PMVK: variants seen among roughly 807,000 people sequenced by gnomAD.
The protein encoded by PMVK is phosphomevalonate kinase.
Under a neutral mutation model 19.0 loss-of-function variants are expected in PMVK, and 10 were observed. The observed-to-expected ratio is 0.53, with a 90% CI of 0.32 to 0.89. The LOEUF (loss-of-function observed/expected upper bound fraction) is 0.89. Among genes scored for constraint, PMVK ranks in the 40% least tolerant of loss-of-function variants. The pLI is 0.03. For synonymous variants in PMVK, 108 were observed against 101.6 expected (o/e 1.06, Z -0.38); for missense variants, 222 against 251.1 (o/e 0.88, Z 0.78).
intron 1 of PMVK, among the ~76,000 whole-genome samples, chr1:154,935,627 T>C (rs1324947713): frequency 6.6e-6 from 1 of 152,224 alleles, no homozygotes; most frequent in Non-Finnish European, 1.5e-5. Flanking sequence ...AAAGCTGAAT[T>C]TGAATCCTGG....
intron 1 of PMVK, among the ~76,000 whole-genome samples, chr1:154,932,702 C>T (rs74116253): frequency 0.025 from 3,832 of 152,310 alleles, 166 homozygotes; most frequent in African/African-American, 0.089. Context: ...TGAACAGGCG[C>T]ACAATATTCT....
chr1:154,935,557 G>C (rs1463957879), intron 1 of PMVK, among the ~76,000 whole-genome samples: 5 of 152,130 alleles, frequency 3.3e-5, no homozygotes, highest in African/African-American at 9.7e-5. Flanking sequence ...AATTTGTTTG[G>C]GTTTTTTTTC....
chr1:154,936,173 C>G (rs1435642980), intron 1 of PMVK, among the ~76,000 whole-genome samples: 2 of 152,194 alleles, frequency 1.3e-5, no homozygotes, highest in South Asian at 2.1e-4. Flanking sequence ...CCTCCGCCTC[C>G]CGGGCTCAAG....
intron 4 of PMVK, among the ~76,000 whole-genome samples, chr1:154,925,962 C>T (rs1001643628): frequency 1.3e-5 from 2 of 152,206 alleles, no homozygotes; most frequent in East Asian, 3.8e-4. Context: ...GCCCACAGAG[C>T]GGGTCCTGGG....
intron 1 of PMVK, among the ~76,000 whole-genome samples, chr1:154,935,919 G>A (rs1654490067): frequency 6.7e-6 from 1 of 149,214 alleles, no homozygotes; most frequent in South Asian, 2.2e-4. Context: ...CTCCACTACT[G>A]GGCTCTCAAG....
intron 2 of PMVK, among the ~76,000 whole-genome samples, chr1:154,931,363 T>C (rs1654329614): frequency 6.6e-6 from 1 of 152,232 alleles, no homozygotes; most frequent in South Asian, 2.1e-4. Context: ...GGGAGGCTGA[T>C]CTTGCCTTCC....
At chr1:154,928,256 G>A (rs1339059496) in intron 3 of PMVK, among the ~76,000 whole-genome samples, 3 of 152,220 alleles carry the variant, frequency 2.0e-5, no homozygotes, top group Non-Finnish European at 4.4e-5. Context: ...GGAAGGGCAT[G>A]TGCAAAGGCC....
chr1:154,934,792 G>A (rs924417504), intron 1 of PMVK, among the ~76,000 whole-genome samples: 1 of 152,090 alleles, frequency 6.6e-6, no homozygotes, highest in Non-Finnish European at 1.5e-5. Flanking sequence ...AGGTGCGGTG[G>A]TGGTTCACGT....
intron 1 of PMVK, among the ~76,000 whole-genome samples, chr1:154,935,264 T>C (rs1228530182): frequency 6.6e-6 from 1 of 152,008 alleles, no homozygotes; most frequent in East Asian, 1.9e-4. Context: ...TACTTAGTGA[T>C]GAAAAATTCA....
chr1:154,942,542 A>T, the PMVK span, among the ~76,000 whole-genome samples: 1 of 152,236 alleles, frequency 6.6e-6, no homozygotes, highest in Non-Finnish European at 1.5e-5. Context: ...CAGAGCAGCC[A>T]ATGTCACTGG....
In PMVK at chr1:154,925,046, C is replaced by A; in HGVS notation, c.*83G>T. 1 of 1,295,234 alleles carries A rather than the reference C, an allele frequency of 7.7e-7. No individual in the cohort carries two copies. The highest frequency in any genetic ancestry group is 1.1e-6 in the Non-Finnish European group (1 of 952,044). 80.2% of individuals were successfully genotyped at this position (1,295,234 alleles called of 1,614,324 possible). On this transcript the variant is annotated 3_prime_UTR_variant, in exon 5 of 5. Coordinates refer to ENST00000368467, the MANE Select transcript of PMVK (RefSeq NM_006556.4). ...CCCCCTGTCTGTTCCTCACCTCGGC[C>A]AGGATCGGGGGACACCCCCATTTTG...
Position 154,929,020 on chromosome 1 carries a change from T to C in PMVK, c.312+4A>G. On this transcript the variant is annotated splice_donor_region_variant and intron_variant, in intron 3 of 4. Transcript: ENST00000368467. Reference sequence around the variant, plus strand: ...TTCTTCATGCTGCCATGGAGCCCTCTTACCCAGATGGGCTGGGAGATGCCC... The same window carrying C: ...TTCTTCATGCTGCCATGGAGCCCTCCTACCCAGATGGGCTGGGAGATGCCC... 6 of 1,613,526 alleles carry C rather than the reference T, an allele frequency of 3.7e-6. No individual in the cohort carries two copies. Among genetic ancestry groups the C allele is most frequent in the Non-Finnish European group, 5.1e-6 (6 of 1,179,560 alleles).
chr1:154,936,825 A>G, upstream of PMVK: 1 of 713,028 alleles, frequency 1.4e-6, no homozygotes. Context: ...AGCTGCGAAC[A>G]GGGCTGACCG....
chr1:154,926,302 C>T, intron 4 of PMVK, 52 bp downstream of exon 4: 1 of 1,573,648 alleles, frequency 6.4e-7, no homozygotes, highest in East Asian at 2.3e-5. Context: ...GTAGACAAAC[C>T]ACAGGGTGGG....
chr1:154,942,072 G>C, the PMVK span, among the ~76,000 whole-genome samples: 2 of 152,204 alleles, frequency 1.3e-5, no homozygotes, highest in Admixed American at 1.3e-4. Context: ...GCCCAAGAAG[G>C]CCACCCCTAA....
At chr1:154,937,131 AATCTCTGGAGTGAG>A (rs1654535280), upstream of PMVK, 1 of 166,768 alleles carries the variant, frequency 6.0e-6, no homozygotes, top group Admixed American at 5.7e-5. Flanking sequence ...TAGGAAAAAA[AATCTCTGGAGTGAG>A]ATCACGTTGG....
intron 3 of PMVK, 135 bp from the exon 4 acceptor site, chr1:154,926,618 A>C: frequency 1.5e-6 from 1 of 670,234 alleles, no homozygotes; most frequent in Admixed American, 2.7e-5. Flanking sequence ...CAGCAGCTAG[A>C]CTCACTATTC....
intron 4 of PMVK, among the ~76,000 whole-genome samples, chr1:154,925,802 C>T (rs1326076527): frequency 1.3e-5 from 2 of 152,196 alleles, no homozygotes; most frequent in South Asian, 2.1e-4. Context: ...TAAAGTGAGA[C>T]AGTGCATATA....
At chr1:154,928,991 GGT>G in intron 3 of PMVK, 31 bp downstream of exon 3, 1 of 1,597,644 alleles carries the variant, frequency 6.3e-7, no homozygotes, top group Non-Finnish European at 8.6e-7. Context: ...TAGGGAAACA[GGT>G]GTTCTTCATG....
Sources: allele counts gnomAD v4.1 joint callset (sites outside exome capture counted in the v4.1 genomes callset), GRCh38; gene constraint gnomAD v4.1.1; transcripts MANE v1.5; gene names NCBI Gene and HGNC (gene_info 2026-07-23, HGNC 2026-07-21).